The following GREB1L variants were observed in gnomAD, a reference collection of about 807,000 sequenced individuals.
GREB1L encodes the protein GREB1-like protein.
A neutral mutation model predicts 200.8 loss-of-function variants in GREB1L; 17 were observed. That is an observed-to-expected ratio of 0.08 (90% confidence interval 0.06 to 0.13). GREB1L has a LOEUF of 0.13. GREB1L is among the 10% of genes least tolerant of loss of function. GREB1L has a pLI of 1.00. For synonymous variants in GREB1L, 789 were observed against 893.0 expected (o/e 0.88, Z 2.08); for missense variants, 1,657 against 2,367.7 (o/e 0.70, Z 6.23).
chr18:21,349,665 G>T (rs551492009), intron 1 of GREB1L, among the ~76,000 whole-genome samples: 115 of 152,046 alleles, frequency 7.6e-4, no homozygotes, highest in African/African-American at 2.2e-3. Context: ...GTGTGTGAGG[G>T]ATCTAGGTCG....
intron 15 of GREB1L, among the ~76,000 whole-genome samples, chr18:21,463,880 G>C (rs2035159828): frequency 6.6e-6 from 1 of 152,170 alleles, no homozygotes; most frequent in Admixed American, 6.5e-5. Context: ...AACATTTCTG[G>C]AATATTTTGT....
At chr18:21,502,035 C>CGGAT (rs2036816908) in intron 23 of GREB1L, among the ~76,000 whole-genome samples, 1 of 152,062 alleles carries the variant, frequency 6.6e-6, no homozygotes, top group South Asian at 2.1e-4. Context: ...CCAAGGCGGG[C>CGGAT]GGATCACCTG....
At chr18:21,389,333 G>A (rs1224850717) in intron 4 of GREB1L, among the ~76,000 whole-genome samples, 1 of 95,632 alleles carries the variant, frequency 1.0e-5, no homozygotes, top group Non-Finnish European at 2.1e-5. Flanking sequence ...TATGGGGTGG[G>A]TTTTTTTTTT....
intron 1 of GREB1L, among the ~76,000 whole-genome samples, chr18:21,353,720 A>G (rs1338109997): frequency 6.6e-6 from 1 of 152,196 alleles, no homozygotes; most frequent in Non-Finnish European, 1.5e-5. Context: ...ATGTAAATGC[A>G]TTTATGTATA....
chr18:21,397,541 A>ATAAT (rs531785124), intron 5 of GREB1L, among the ~76,000 whole-genome samples: 202 of 126,104 alleles, frequency 1.6e-3, no homozygotes, highest in African/African-American at 4.4e-3. Flanking sequence ...AAAAAAAAAA[A>ATAAT]AATAATAATA....
At position 21,508,500 on chromosome 18, in the gene GREB1L, G is replaced by A; in HGVS notation, c.4644G>A (p.Val1548=). 6.4e-7 allele frequency: 1 copy of A among 1,551,688 alleles called. No homozygotes were observed. The highest frequency in any genetic ancestry group is 2.4e-5 in the East Asian group (1 of 40,910). The change falls in exon 27 of 33, where the codon GTG becomes GTA. Residue 1548 remains valine, a synonymous_variant. Transcript: ENST00000424526. Reference sequence around the variant, plus strand: ...GCATCAGCCACCTTCACCTCCTGGTGGTCAAAGAGTATGAGATGCCTCTGT... The same window carrying A: ...GCATCAGCCACCTTCACCTCCTGGTAGTCAAAGAGTATGAGATGCCTCTGT... ...MEGISHLHLL[V]VKEYEMPLYR...
intron 1 of GREB1L, among the ~76,000 whole-genome samples, chr18:21,273,261 A>C (rs1360336528): frequency 6.6e-6 from 1 of 152,196 alleles, no homozygotes; most frequent in African/African-American, 2.4e-5. Context: ...TGTAGCATAA[A>C]TGATAATGAT....
chr18:21,381,845 T>C (rs1186189687), intron 2 of GREB1L, among the ~76,000 whole-genome samples: 1 of 152,134 alleles, frequency 6.6e-6, no homozygotes, highest in East Asian at 1.9e-4. Flanking sequence ...CTTTTGCCCT[T>C]TTGATTATTT....
chr18:21,251,748 T>C (rs903788774), intron 1 of GREB1L, among the ~76,000 whole-genome samples: 3 of 152,116 alleles, frequency 2.0e-5, no homozygotes, highest in East Asian at 1.9e-4. Context: ...AGTACAAGAC[T>C]AGCCTGACCA....
chr18:21,476,113 T>C (rs1023511480), intron 16 of GREB1L, among the ~76,000 whole-genome samples: 6 of 150,276 alleles, frequency 4.0e-5, no homozygotes, highest in African/African-American at 1.5e-4. Flanking sequence ...GGGTGGCAAA[T>C]AGTCATCGTG....
chr18:21,512,058 C>T (rs530216093), intron 27 of GREB1L, among the ~76,000 whole-genome samples: 1 of 152,176 alleles, frequency 6.6e-6, no homozygotes, highest in African/African-American at 2.4e-5. Context: ...TTCTATAGGC[C>T]CAGATCAAAA....
intron 15 of GREB1L, among the ~76,000 whole-genome samples, chr18:21,466,608 A>G (rs562105867): frequency 6.6e-6 from 1 of 152,236 alleles, no homozygotes; most frequent in East Asian, 1.9e-4. Context: ...ATTAAAGAAT[A>G]CCTAAATAAA....
chr18:21,505,352 C>CT, intron 23 of GREB1L, 60 bp from the exon 24 acceptor site: 1 of 1,478,382 alleles, frequency 6.8e-7, no homozygotes, highest in Middle Eastern at 2.1e-4. Context: ...GCCATTCTCT[C>CT]TGACACATGG....
intron 1 of GREB1L, among the ~76,000 whole-genome samples, chr18:21,246,247 GT>G (rs1474158625): frequency 9.2e-5 from 14 of 152,168 alleles, no homozygotes; most frequent in African/African-American, 2.9e-4. Context: ...TGTAAAATGG[GT>G]TATATTAATA....
chr18:21,408,305 A>G lies in GREB1L; in HGVS notation c.832+4311A>G, dbSNP rs75857888. Among the ~76,000 whole-genome samples, 179 of 152,342 alleles carry G rather than the reference A, an allele frequency of 1.2e-3. No homozygotes were observed. In the East Asian group the frequency reaches 0.027, roughly 23 times the overall value. On this transcript the variant is annotated intron_variant, in intron 7 of 32. Coordinates refer to ENST00000424526, the MANE Select transcript of GREB1L (RefSeq NM_001142966.3). ...AAAGGCAAACAACAGAGTGGTAAAAATATTAGCAAAACACAAATCTAATAA... is the reference window on the plus strand; with the variant it reads ...AAAGGCAAACAACAGAGTGGTAAAAGTATTAGCAAAACACAAATCTAATAA...
At chr18:21,321,970 G>A (rs1252486842) in intron 1 of GREB1L, among the ~76,000 whole-genome samples, 1 of 152,100 alleles carries the variant, frequency 6.6e-6, no homozygotes, top group Non-Finnish European at 1.5e-5. Context: ...ACATAAGGAT[G>A]TTCACTATTA....
intron 1 of GREB1L, among the ~76,000 whole-genome samples, chr18:21,254,259 A>G (rs373168468): frequency 2.0e-5 from 3 of 151,346 alleles, no homozygotes; most frequent in African/African-American, 7.3e-5. Context: ...TAGTACAGAC[A>G]GGGTTTCACC....
At position 21,426,674 on chromosome 18, in the gene GREB1L, G is replaced by A. The variant is rs28830027; in HGVS notation, c.833-12847G>A. 6.4e-3 allele frequency among the ~76,000 whole-genome samples: 971 copies of A among 151,942 alleles called. 9 individuals carry two copies. The highest frequency in any genetic ancestry group is 0.022 in the African/African-American group (926 of 41,480). ...GCTTTTCTTTTTCAAGATTGTTTTC[G>A]CTGTCCAGATGCGGTGGCTCACGCC... On this transcript the variant is annotated intron_variant, in intron 7 of 32. Transcript: ENST00000424526.
intron 1 of GREB1L, among the ~76,000 whole-genome samples, chr18:21,289,016 G>A (rs1335228066): frequency 2.0e-5 from 3 of 152,190 alleles, no homozygotes; most frequent in South Asian, 2.1e-4. Flanking sequence ...GATTACAGGC[G>A]TGAGCCACTG....
Sources: gnomAD v4.1 joint callset for allele counts (sites outside exome capture counted in the v4.1 genomes callset) on GRCh38, gnomAD v4.1.1 for gene constraint, MANE v1.5 for transcripts, NCBI Gene and HGNC (gene_info 2026-07-23, HGNC 2026-07-21) for gene names.